The following CCDC6 variants were observed in gnomAD, a reference collection of about 807,000 sequenced individuals.
CCDC6 encodes coiled-coil domain containing 6.
A neutral mutation model predicts 56.6 loss-of-function variants in CCDC6; 20 were observed. The ratio of observed to expected loss-of-function variants is 0.35; its 90% CI spans 0.25 to 0.51. The LOEUF (loss-of-function observed/expected upper bound fraction) is 0.51, where lower values mean the gene tolerates loss of function less well. Among genes scored for constraint, CCDC6 ranks in the 20% least tolerant of loss-of-function variants. CCDC6 has a pLI of 0.95. For synonymous variants in CCDC6, 241 were observed against 234.4 expected (o/e 1.03, Z -0.26); for missense variants, 367 against 601.1 (o/e 0.61, Z 4.07).
At chr10:59,794,422 C>A (rs1277243760) in intron 8 of CCDC6, 51 bp downstream of exon 8, 1 of 1,598,570 alleles carries the variant, frequency 6.3e-7, no homozygotes, top group South Asian at 1.1e-5. Flanking sequence ...GAACACCAGT[C>A]GGTACCACTT....
chr10:59,849,598 C>T (rs887306699), intron 2 of CCDC6, among the ~76,000 whole-genome samples: 51 of 152,266 alleles, frequency 3.3e-4, no homozygotes, highest in African/African-American at 1.2e-3. Context: ...TCAGAAATAA[C>T]AGCCAAAGCA....
In CCDC6 at chr10:59,857,781, C is replaced by T. The variant is rs539339880; in HGVS notation, c.304-5079G>A. Reference sequence around the variant, plus strand: ...GAAGCTTTAAGAGTCCAGGCAGGCTCTATTTATTATTCTCATTATTTAAGT... The same window carrying T: ...GAAGCTTTAAGAGTCCAGGCAGGCTTTATTTATTATTCTCATTATTTAAGT... On this transcript the variant is annotated intron_variant, in intron 1 of 8. Coordinates refer to ENST00000263102, the MANE Select transcript of CCDC6 (RefSeq NM_005436.5). Among the ~76,000 whole-genome samples the T allele has an allele frequency of 1.2e-4, 18 of 152,178 alleles. 1 individual carries two copies. In the South Asian group the frequency reaches 3.7e-3, roughly 31 times the overall value.
chr10:59,867,491 T>C (rs1295759059), intron 1 of CCDC6, among the ~76,000 whole-genome samples: 2 of 152,216 alleles, frequency 1.3e-5, no homozygotes, highest in Non-Finnish European at 2.9e-5. Context: ...AACCGCAGTC[T>C]CCACAACTCC....
chr10:59,802,072 G>C (rs1263679381), intron 7 of CCDC6, among the ~76,000 whole-genome samples: 1 of 152,060 alleles, frequency 6.6e-6, no homozygotes. Flanking sequence ...CCCTAATTCA[G>C]ACACATCAAA....
At chr10:59,836,787 C>T (rs904384859) in intron 2 of CCDC6, among the ~76,000 whole-genome samples, 1 of 152,098 alleles carries the variant, frequency 6.6e-6, no homozygotes, top group African/African-American at 2.4e-5. Flanking sequence ...AATCACATAA[C>T]AATGATCCCT....
At chr10:59,865,581 C>T (rs1353336926) in intron 1 of CCDC6, among the ~76,000 whole-genome samples, 4 of 152,092 alleles carry the variant, frequency 2.6e-5, no homozygotes, top group African/African-American at 4.8e-5. Context: ...TAGCTGGGCA[C>T]GGTGGCTCAC....
chr10:59,794,852 A>G (rs939961026), intron 7 of CCDC6, among the ~76,000 whole-genome samples: 1 of 152,196 alleles, frequency 6.6e-6, no homozygotes, highest in African/African-American at 2.4e-5. Flanking sequence ...AAGAATACAC[A>G]ACGGGGAAAG....
At chr10:59,837,159 A>G (rs2070889869) in intron 2 of CCDC6, among the ~76,000 whole-genome samples, 1 of 152,250 alleles carries the variant, frequency 6.6e-6, no homozygotes, top group South Asian at 2.1e-4. Context: ...CTTTTACATA[A>G]TAGATTCAAG....
chr10:59,842,039 TG>T (rs1172133636), intron 2 of CCDC6, among the ~76,000 whole-genome samples: 1 of 151,988 alleles, frequency 6.6e-6, no homozygotes, highest in East Asian at 1.9e-4. Flanking sequence ...GCAGCCTTTT[TG>T]TAAACACTTT....
At chr10:59,800,365 T>C (rs546844449) in intron 7 of CCDC6, among the ~76,000 whole-genome samples, 18 of 152,248 alleles carry the variant, frequency 1.2e-4, no homozygotes, top group Admixed American at 2.0e-4. Context: ...TCTATAATTT[T>C]GTCACTTTGT....
chr10:59,813,602 T>C (rs1308267859), intron 4 of CCDC6, among the ~76,000 whole-genome samples: 1 of 152,198 alleles, frequency 6.6e-6, no homozygotes, highest in Admixed American at 6.5e-5. Context: ...TTTTGCTTTG[T>C]ACCTTTGAGT....
chr10:59,882,094 GGGGGGAGAAGGAAAGGAAAGC>G (rs2071344080), intron 1 of CCDC6, among the ~76,000 whole-genome samples: 3 of 15,224 alleles, frequency 2.0e-4, no homozygotes, highest in African/African-American at 7.0e-4. Context: ...AAGGAAAGCC[GGGGGGAGAAGGAAAGGAAAGC>G]CGGGGGGAGA....
chr10:59,885,076 AG>A (rs2071372442), intron 1 of CCDC6, among the ~76,000 whole-genome samples: 1 of 148,034 alleles, frequency 6.8e-6, no homozygotes, highest in East Asian at 2.0e-4. Flanking sequence ...CAACAACAAC[AG>A]AAAGAAAGGA....
intron 3 of CCDC6, among the ~76,000 whole-genome samples, chr10:59,823,205 C>T (rs573621909): frequency 6.6e-6 from 1 of 152,338 alleles, no homozygotes; most frequent in South Asian, 2.1e-4. Context: ...GGCTGTCACA[C>T]TGGCCCTTTG....
At chr10:59,898,950 C>T (rs934140313) in intron 1 of CCDC6, among the ~76,000 whole-genome samples, 3 of 152,122 alleles carry the variant, frequency 2.0e-5, no homozygotes, top group Non-Finnish European at 2.9e-5. Flanking sequence ...TCTAAATGAC[C>T]ATCAATCATA....
rs1348104973 is a variant in CCDC6 at position 59,792,068 on chromosome 10, GTT to G, written c.*847_*848del. The G allele has an allele frequency of 3.5e-5, 8 of 227,852 alleles. No individual in the cohort carries two copies. The highest frequency in any genetic ancestry group is 4.4e-5 in the African/African-American group (2 of 45,002). The allele number at this position is 227,852 out of a possible 1,614,324, so 14.1% of individuals were successfully genotyped here. On this transcript the variant is annotated 3_prime_UTR_variant, in exon 9 of 9. Transcript: ENST00000263102. ...AAGTACGAAAGGGGGAAGCCGCATT[GTT>G]TTTGTTACAATCACACTGCCTTCTG...
intron 1 of CCDC6, among the ~76,000 whole-genome samples, chr10:59,860,199 T>C (rs1233546176): frequency 6.6e-6 from 1 of 152,190 alleles, no homozygotes; most frequent in African/African-American, 2.4e-5. Flanking sequence ...AAAACTGGTC[T>C]GTGTGTGATG....
At chr10:59,853,214 T>A (rs1435763804) in intron 1 of CCDC6, among the ~76,000 whole-genome samples, 1 of 152,156 alleles carries the variant, frequency 6.6e-6, no homozygotes, top group Admixed American at 6.6e-5. Flanking sequence ...TTAAAAGGTT[T>A]GGATAGGTTT....
intron 2 of CCDC6, among the ~76,000 whole-genome samples, chr10:59,833,949 C>G (rs1460793637): frequency 2.0e-5 from 3 of 152,160 alleles, no homozygotes; most frequent in African/African-American, 7.2e-5. Flanking sequence ...AACCAGTGCT[C>G]TCTCCCGCTG....
Sources: allele counts gnomAD v4.1 joint callset (sites outside exome capture counted in the v4.1 genomes callset), GRCh38; gene constraint gnomAD v4.1.1; transcripts MANE v1.5; gene names NCBI Gene and HGNC (gene_info 2026-07-23, HGNC 2026-07-21).